Variants in COL24A1 observed in about 807,000 individuals in gnomAD.
COL24A1 encodes the protein collagen alpha-1(XXIV) chain.
In COL24A1, 224 loss-of-function variants were observed where a neutral mutation model predicts 253.9. The observed-to-expected ratio is 0.88, with a 90% CI of 0.79 to 0.99. COL24A1 has a LOEUF of 0.99. Ranked by LOEUF, COL24A1 falls within the 50% of genes least tolerant of loss-of-function variation. The pLI is 0.00. For missense variants in COL24A1, 2,131 were observed against 2,068.5 expected (o/e 1.03, Z -0.59); for synonymous variants, 685 against 673.7 (o/e 1.02, Z -0.26).
intron 19 of COL24A1, among the ~76,000 whole-genome samples, chr1:85,990,164 C>T (rs999519479): frequency 5.9e-5 from 9 of 151,584 alleles, no homozygotes; most frequent in East Asian, 3.9e-4. Flanking sequence ...GTACATGTTT[C>T]GTGGCTTGTT....
At chr1:85,738,710 C>T (rs1257812393) in intron 57 of COL24A1, among the ~76,000 whole-genome samples, 1 of 152,202 alleles carries the variant, frequency 6.6e-6, no homozygotes, top group Non-Finnish European at 1.5e-5. Context: ...GTTCATTCCA[C>T]TTTTATTCCA....
chr1:85,933,703 A>T (rs1023732470), intron 24 of COL24A1, among the ~76,000 whole-genome samples: 20 of 152,216 alleles, frequency 1.3e-4, no homozygotes, highest in African/African-American at 4.8e-4. Flanking sequence ...ATCAAGGGCA[A>T]AATTATATTT....
intron 14 of COL24A1, among the ~76,000 whole-genome samples, chr1:86,026,506 C>A (rs142653615): frequency 6.6e-6 from 1 of 152,192 alleles, no homozygotes; most frequent in African/African-American, 2.4e-5. Flanking sequence ...CCTTGTTGCA[C>A]TCACTCCGTC....
intron 24 of COL24A1, among the ~76,000 whole-genome samples, chr1:85,951,256 T>G (rs1334621906): frequency 2.6e-5 from 4 of 152,212 alleles, no homozygotes; most frequent in Non-Finnish European, 2.9e-5. Context: ...GTAAAAAAGT[T>G]ACTGTGATAT....
At chr1:85,831,420 C>T (rs181048848) in intron 43 of COL24A1, among the ~76,000 whole-genome samples, 89 of 152,212 alleles carry the variant, frequency 5.8e-4, no homozygotes, top group African/African-American at 2.0e-3. Flanking sequence ...GAATAGCCAA[C>T]TGCCTCTCCT....
rs746734323 is a variant in COL24A1 at position 85,911,417 on chromosome 1, G to C, written c.2579C>G (p.Pro860Arg). 6 of 1,611,754 alleles carry C rather than the reference G, an allele frequency of 3.7e-6. No homozygotes were observed. Among genetic ancestry groups the C allele is most frequent in the Non-Finnish European group, 5.1e-6 (6 of 1,178,834 alleles). The change falls in exon 25 of 60, where the codon CCT becomes CGT. Residue 860 changes from proline to arginine, a missense_variant. Coordinates refer to ENST00000370571, the MANE Select transcript of COL24A1 (RefSeq NM_152890.7). Reference sequence around the variant, plus strand: ...GCTTCCAGTCATCCCAACTTCTCCAGGTAAGCCAACAGGTCCCTTTTAGGA... The same window carrying C: ...GCTTCCAGTCATCCCAACTTCTCCACGTAAGCCAACAGGTCCCTTTTAGGA... ...KIGETGPVGL[P>R]GEVGMTGSIG...
At position 85,811,891 on chromosome 1, in the gene COL24A1, C is replaced by G. The variant is rs75737338; in HGVS notation, c.3951+4897G>C. ...ATATTTGGACCTCATGACTGAGAAACTCTAATTATATCAGAAGGCTCTGTA... is the reference window on the plus strand; with the variant it reads ...ATATTTGGACCTCATGACTGAGAAAGTCTAATTATATCAGAAGGCTCTGTA... On this transcript the variant is annotated intron_variant, in intron 47 of 59. Coordinates refer to ENST00000370571, the MANE Select transcript of COL24A1 (RefSeq NM_152890.7). 4.6e-3 allele frequency among the ~76,000 whole-genome samples: 698 copies of G among 152,334 alleles called. 16 individuals are homozygous for G. The East Asian group carries it at 0.052, about 11-fold the overall frequency.
chr1:85,995,395 T>A (rs1359336663), intron 19 of COL24A1, among the ~76,000 whole-genome samples: 1 of 152,176 alleles, frequency 6.6e-6, no homozygotes, highest in Non-Finnish European at 1.5e-5. Context: ...ATATTCACAG[T>A]GTTTTTAACA....
chr1:85,976,518 C>A lies in COL24A1; in HGVS notation c.2365-5125G>T, dbSNP rs1169535185. Among the ~76,000 whole-genome samples, 3 of 152,216 alleles carry A rather than the reference C, an allele frequency of 2.0e-5. No individual in the cohort carries two copies. The East Asian group carries it at 5.8e-4, about 29-fold the overall frequency. On this transcript the variant is annotated intron_variant, in intron 20 of 59. Coordinates refer to ENST00000370571, the MANE Select transcript of COL24A1 (RefSeq NM_152890.7). The stretch of plus-strand genomic sequence containing the variant: ...AGAGTCTGAGCTCAGACTGGCGTAA[C>A]CCTGCTCCCACCTGATGGTACTTCT...
intron 37 of COL24A1, among the ~76,000 whole-genome samples, chr1:85,861,658 C>T (rs1204299180): frequency 6.6e-6 from 1 of 152,278 alleles, no homozygotes; most frequent in East Asian, 1.9e-4. Context: ...TTCTTTCTCT[C>T]ACTGAATTGT....
chr1:85,914,814 G>A (rs1685733760), intron 24 of COL24A1, among the ~76,000 whole-genome samples: 1 of 152,138 alleles, frequency 6.6e-6, no homozygotes, highest in Non-Finnish European at 1.5e-5. Context: ...ATCACTCAAG[G>A]ACTTTACATC....
intron 19 of COL24A1, among the ~76,000 whole-genome samples, chr1:86,009,903 T>C (rs893562646): frequency 2.6e-5 from 4 of 152,204 alleles, no homozygotes; most frequent in African/African-American, 7.2e-5. Flanking sequence ...AAACAATGCA[T>C]GCAGTGTGTG....
chr1:86,153,258 C>T (rs1332437420), intron 1 of COL24A1, among the ~76,000 whole-genome samples: 1 of 140,504 alleles, frequency 7.1e-6, no homozygotes, highest in Non-Finnish European at 1.6e-5. Context: ...TATATATCCT[C>T]CTCTCATTTC....
intron 12 of COL24A1, among the ~76,000 whole-genome samples, chr1:86,045,141 C>G (rs929757602): frequency 2.0e-5 from 3 of 152,058 alleles, no homozygotes; most frequent in African/African-American, 7.2e-5. Context: ...AGGCACCCAC[C>G]ACCACAGCCA....
chr1:86,103,542 TC>T (rs1336664415), intron 5 of COL24A1, among the ~76,000 whole-genome samples: 13 of 152,228 alleles, frequency 8.5e-5, no homozygotes, highest in African/African-American at 3.1e-4. Flanking sequence ...ATTTAGTGTT[TC>T]CTTCAGGAGC....
intron 7 of COL24A1, among the ~76,000 whole-genome samples, chr1:86,081,732 T>C (rs1227512365): frequency 6.6e-6 from 1 of 152,192 alleles, no homozygotes; most frequent in African/African-American, 2.4e-5. Context: ...TAGCAAAGTC[T>C]GTACTTTATG....
chr1:86,021,167 T>C (rs966990568), intron 18 of COL24A1, among the ~76,000 whole-genome samples: 1 of 152,168 alleles, frequency 6.6e-6, no homozygotes, highest in Non-Finnish European at 1.5e-5. Context: ...CACAATGAAC[T>C]GCTCAGGAAC....
intron 14 of COL24A1, 92 bp from the exon 15 acceptor site, chr1:86,023,099 C>T: frequency 8.7e-7 from 1 of 1,154,632 alleles, no homozygotes; most frequent in Non-Finnish European, 1.3e-6. Context: ...GAACCCAAAA[C>T]AGCCAACTCA....
At chr1:85,738,081 G>A (rs1239989659) in intron 57 of COL24A1, among the ~76,000 whole-genome samples, 1 of 152,062 alleles carries the variant, frequency 6.6e-6, no homozygotes. Flanking sequence ...TGATAGAATA[G>A]CTGAATTGAT....
Sources: gnomAD v4.1 joint callset for allele counts (sites outside exome capture counted in the v4.1 genomes callset) on GRCh38, gnomAD v4.1.1 for gene constraint, MANE v1.5 for transcripts, NCBI Gene and HGNC (gene_info 2026-07-23, HGNC 2026-07-21) for gene names.